Variants in LRRC28 observed in about 807,000 individuals in gnomAD.
LRRC28 encodes leucine-rich repeat-containing protein 28.
A neutral mutation model predicts 45.7 loss-of-function variants in LRRC28; 39 were observed. The ratio of observed to expected loss-of-function variants is 0.85; its 90% CI spans 0.66 to 1.12. LRRC28 has a LOEUF of 1.12. LRRC28 is among the 50% of genes most tolerant of loss of function. The pLI is 0.00. For missense variants in LRRC28, 435 were observed against 438.5 expected, an observed-to-expected ratio of 0.99 and a Z score of 0.07; for synonymous variants, 206 against 178.8, an observed-to-expected ratio of 1.15 and a Z score of -1.22.
chr15:99,290,856 G>T (rs1228898801), intron 5 of LRRC28, among the ~76,000 whole-genome samples: 1 of 151,992 alleles, frequency 6.6e-6, no homozygotes, highest in African/African-American at 2.4e-5. Context: ...AGTCCTAGCT[G>T]CTTGGGAGGC....
intron 6 of LRRC28, among the ~76,000 whole-genome samples, chr15:99,339,918 G>C (rs1185388294): frequency 3.3e-5 from 5 of 152,114 alleles, no homozygotes; most frequent in Non-Finnish European, 7.4e-5. Flanking sequence ...TATTTTCTTG[G>C]GAAGAGTTAT....
At chr15:99,254,152 C>T (rs1184914035) in intron 1 of LRRC28, among the ~76,000 whole-genome samples, 1 of 152,212 alleles carries the variant, frequency 6.6e-6, no homozygotes, top group African/African-American at 2.4e-5. Flanking sequence ...TTGTAGTCTA[C>T]TTCCCTTTGC....
intron 5 of LRRC28, chr15:99,320,734 A>C (rs1955767078): frequency 6.6e-6 from 1 of 152,238 alleles, no homozygotes; most frequent in Non-Finnish European, 1.5e-5. Context: ...CAAATAGACC[A>C]GGTAAGGCAT....
chr15:99,307,762 A>AG (rs1234560983), intron 5 of LRRC28, among the ~76,000 whole-genome samples: 1 of 152,208 alleles, frequency 6.6e-6, no homozygotes, highest in Non-Finnish European at 1.5e-5. Context: ...TCAGTTTTAA[A>AG]GCGAAACTAA....
At chr15:99,372,721 A>G (rs1271636469) in intron 9 of LRRC28, among the ~76,000 whole-genome samples, 2 of 152,174 alleles carry the variant, frequency 1.3e-5, no homozygotes, top group Admixed American at 6.5e-5. Flanking sequence ...TAAATCCCGT[A>G]TCTTCATGGA....
intron 7 of LRRC28, among the ~76,000 whole-genome samples, chr15:99,356,311 C>A (rs1244037400): frequency 3.3e-5 from 5 of 151,822 alleles, no homozygotes; most frequent in Admixed American, 6.6e-5. Context: ...GCAACTGTTA[C>A]AATTATTCTC....
At chr15:99,272,087 C>A (rs2081496931) in intron 2 of LRRC28, among the ~76,000 whole-genome samples, 3 of 152,306 alleles carry the variant, frequency 2.0e-5, no homozygotes, top group South Asian at 2.1e-4. Context: ...GGTCCAAATT[C>A]ATTCTGCTTT....
intron 9 of LRRC28, among the ~76,000 whole-genome samples, chr15:99,380,266 G>A (rs1382747620): frequency 6.6e-6 from 1 of 152,192 alleles, no homozygotes; most frequent in East Asian, 1.9e-4. Flanking sequence ...TCTTCTTGTT[G>A]AATTGATCCC....
intron 3 of LRRC28, among the ~76,000 whole-genome samples, chr15:99,277,109 A>G (rs2081638311): frequency 6.6e-6 from 1 of 152,038 alleles, no homozygotes; most frequent in South Asian, 2.1e-4. Context: ...ACCAGTGTTA[A>G]TTATCTGTTA....
intron 6 of LRRC28, among the ~76,000 whole-genome samples, chr15:99,339,914 C>T (rs1446023534): frequency 1.3e-5 from 2 of 152,112 alleles, no homozygotes; most frequent in Admixed American, 1.3e-4. Context: ...TGTTTATTTT[C>T]TTGGGAAGAG....
At chr15:99,339,669 G>A (rs900311715) in intron 6 of LRRC28, among the ~76,000 whole-genome samples, 11 of 151,222 alleles carry the variant, frequency 7.3e-5, no homozygotes, top group African/African-American at 2.4e-4. Context: ...AGGTTGCAGT[G>A]AGCCGAGATC....
chr15:99,322,782 TG>T (rs1449463741), intron 5 of LRRC28, among the ~76,000 whole-genome samples: 2 of 152,094 alleles, frequency 1.3e-5, no homozygotes, highest in Non-Finnish European at 2.9e-5. Context: ...AGCTAAGGCA[TG>T]TTGTTGCAAA....
rs1168886555 is a variant in LRRC28, at chr15:99,387,069, TGTTG to T, written c.*968_*971del. 5.1e-5 allele frequency: 7 copies of T among 137,184 alleles called. No individual in the cohort carries two copies. The highest frequency in any genetic ancestry group is 2.2e-4 in the East Asian group (1 of 4,580). The allele number at this position is 137,184 out of a possible 1,614,324, so 8.5% of individuals were successfully genotyped here. On this transcript the variant is annotated 3_prime_UTR_variant, in exon 10 of 10. Transcript: ENST00000301981. ...GCTACTTCCACTACTGGTTTTTTTT[TGTTG>T]TTGTTGAGACGGAGTCTCGCTCTGT... is the stretch of plus-strand genomic sequence containing the variant.
chr15:99,306,894 T>C (rs944152281), intron 5 of LRRC28, among the ~76,000 whole-genome samples: 2 of 152,208 alleles, frequency 1.3e-5, no homozygotes, highest in African/African-American at 4.8e-5. Flanking sequence ...TTCTTGCTGG[T>C]GCGTCTTGTC....
intron 3 of LRRC28, chr15:99,284,719 G>A: frequency 5.8e-6 from 3 of 518,440 alleles, no homozygotes; most frequent in Non-Finnish European, 1.1e-5. Context: ...CACCCCCATA[G>A]GAGCCAGAGC....
intron 5 of LRRC28, among the ~76,000 whole-genome samples, chr15:99,292,370 T>TC (rs2082144238): frequency 6.6e-6 from 1 of 150,730 alleles, no homozygotes; most frequent in Non-Finnish European, 1.5e-5. Context: ...TTTTTTTTTT[T>TC]TTTTTGAAAC....
At chr15:99,297,841 T>C (rs1197215254) in intron 5 of LRRC28, among the ~76,000 whole-genome samples, 1 of 152,064 alleles carries the variant, frequency 6.6e-6, no homozygotes, top group African/African-American at 2.4e-5. Context: ...TACAAACTTT[T>C]ACAAGCTTTG....
rs530954345 is a variant in LRRC28 at position 99,376,583 on chromosome 15, G to A, written c.1032-9447G>A. Among the ~76,000 whole-genome samples, 59 of 152,112 alleles carry A rather than the reference G, an allele frequency of 3.9e-4. No homozygotes were observed. In the South Asian group the frequency reaches 6.6e-3, roughly 17 times the overall value. On this transcript the variant is annotated intron_variant, in intron 9 of 9. Transcript: ENST00000301981. ...AAGTTCTAGGGTACATGTGCACAAC[G>A]TGCAGGTTTGTTACATATGTATACA...
rs756708619 is a variant in LRRC28 at position 99,386,135 on chromosome 15, C to T, written c.*33C>T. On this transcript the variant is annotated 3_prime_UTR_variant, in exon 10 of 10. Transcript: ENST00000301981. The stretch of plus-strand genomic sequence containing the variant: ...TCAAGAACCTCAGGAGCGCTGCCAG[C>T]TTGACACTGGGGAATCCAGCCAGTC... 1.3e-6 allele frequency: 2 copies of T among 1,565,900 alleles called. No individual in the cohort carries two copies. The highest frequency in any genetic ancestry group is 1.7e-5 in the Admixed American group (1 of 59,966).
Sources: gnomAD v4.1 joint callset for allele counts (sites outside exome capture counted in the v4.1 genomes callset) on GRCh38, gnomAD v4.1.1 for gene constraint, MANE v1.5 for transcripts, NCBI Gene and HGNC (gene_info 2026-07-23, HGNC 2026-07-21) for gene names.